Variants in WWP2 observed in about 807,000 individuals in gnomAD.
WWP2 encodes the protein NEDD4-like E3 ubiquitin-protein ligase WWP2.
In WWP2, 57 loss-of-function variants were observed where a neutral mutation model predicts 121.0. The ratio of observed to expected loss-of-function variants is 0.47; its 90% confidence interval spans 0.38 to 0.59. The LOEUF (loss-of-function observed/expected upper bound fraction) is 0.59. WWP2 is among the 20% of genes least tolerant of loss of function. The probability of loss-of-function intolerance (pLI) is 0.00; values close to 1 mark genes in which losing one functional copy is unlikely to be tolerated. For missense variants in WWP2, 962 were observed against 1,158.9 expected (o/e 0.83, Z 2.47); for synonymous variants, 449 against 441.3 (o/e 1.02, Z -0.22).
chr16:69,856,763 G>T (rs1005049225), intron 6 of WWP2, among the ~76,000 whole-genome samples: 1 of 151,460 alleles, frequency 6.6e-6, no homozygotes, highest in African/African-American at 2.4e-5. Flanking sequence ...GACAGAGGGA[G>T]ACTCTATCTC....
chr16:69,804,729 A>G (rs1271801810), intron 4 of WWP2, among the ~76,000 whole-genome samples: 1 of 152,106 alleles, frequency 6.6e-6, no homozygotes, highest in African/African-American at 2.4e-5. Flanking sequence ...GCCCCCTAAA[A>G]AATCTCTTGA....
At chr16:69,805,672 A>G (rs932767005) in intron 4 of WWP2, among the ~76,000 whole-genome samples, 2 of 151,664 alleles carry the variant, frequency 1.3e-5, no homozygotes, top group African/African-American at 2.4e-5. Flanking sequence ...GTGCAGTGGC[A>G]TGATTACCAC....
chr16:69,798,840 G>A lies in WWP2; in HGVS notation c.218+11G>A. The A allele has an allele frequency of 6.2e-7, 1 of 1,613,304 alleles. No individual in the cohort carries two copies. Among genetic ancestry groups the A allele is most frequent in the Non-Finnish European group, 8.5e-7 (1 of 1,179,632 alleles). ...TGAGATCATCATTTTGTAAGAGAAA[G>A]CCCCTTCTTTTTGAACGCAGCAAGA... is the stretch of plus-strand genomic sequence containing the variant. On this transcript the variant is annotated intron_variant, in intron 3 of 23. Transcript: ENST00000359154.
chr16:69,774,230 T>A (rs562199981), intron 1 of WWP2, among the ~76,000 whole-genome samples: 1 of 152,292 alleles, frequency 6.6e-6, no homozygotes, highest in African/African-American at 2.4e-5. Context: ...CTTTCCTTCC[T>A]TGTATTCCCC....
At chr16:69,919,253 C>G (rs754729331) in intron 10 of WWP2, among the ~76,000 whole-genome samples, 1 of 14,086 alleles carries the variant, frequency 7.1e-5, no homozygotes, top group African/African-American at 1.2e-3. Flanking sequence ...GTAACCTCCA[C>G]TGCCCGGGTT....
chr16:69,842,209 G>T (rs2056992167), intron 6 of WWP2, 89 bp downstream of exon 6: 2 of 1,274,418 alleles, frequency 1.6e-6, no homozygotes, highest in Non-Finnish European at 1.1e-6. Flanking sequence ...ACATTTTATG[G>T]TAGAAACTGT....
chr16:69,866,238 C>G (rs911162826), intron 6 of WWP2, among the ~76,000 whole-genome samples: 1 of 151,592 alleles, frequency 6.6e-6, no homozygotes, highest in Non-Finnish European at 1.5e-5. Context: ...TTTGATGAAG[C>G]CACAAAATGC....
chr16:69,853,839 CAA>C (rs1282511795), intron 6 of WWP2, among the ~76,000 whole-genome samples: 1 of 152,152 alleles, frequency 6.6e-6, no homozygotes, highest in African/African-American at 2.4e-5. Flanking sequence ...TTCATGGAGA[CAA>C]GAGACGCAAG....
intron 4 of WWP2, among the ~76,000 whole-genome samples, chr16:69,806,589 A>G (rs914965684): frequency 6.6e-6 from 1 of 151,818 alleles, no homozygotes; most frequent in East Asian, 1.9e-4. Flanking sequence ...TTTCCCCCCC[A>G]TAATTACTGG....
chr16:69,886,707 C>T (rs2057931823), intron 7 of WWP2, among the ~76,000 whole-genome samples: 1 of 152,152 alleles, frequency 6.6e-6, no homozygotes, highest in Non-Finnish European at 1.5e-5. Flanking sequence ...TTGCATTGAG[C>T]CAAGATGGCG....
intron 4 of WWP2, among the ~76,000 whole-genome samples, chr16:69,812,311 A>G (rs1274103077): frequency 6.6e-6 from 1 of 150,616 alleles, no homozygotes; most frequent in East Asian, 1.9e-4. Context: ...GATTACAGGC[A>G]CCCACCATCA....
chr16:69,873,480 T>G (rs1448854314), intron 7 of WWP2, among the ~76,000 whole-genome samples: 1 of 152,176 alleles, frequency 6.6e-6, no homozygotes, highest in Admixed American at 6.5e-5. Context: ...GAGCTGCAGG[T>G]GGGGAGTCCC....
intron 8 of WWP2, among the ~76,000 whole-genome samples, chr16:69,908,239 T>C (rs1005887968): frequency 2.3e-4 from 35 of 152,158 alleles, no homozygotes; most frequent in African/African-American, 7.7e-4. Context: ...AGTGAGACCC[T>C]GTTTCATTAA....
At chr16:69,877,894 G>A (rs1317131981) in intron 7 of WWP2, among the ~76,000 whole-genome samples, 2 of 151,984 alleles carry the variant, frequency 1.3e-5, no homozygotes, top group South Asian at 2.1e-4. Context: ...TGCAACCTCC[G>A]CCTCCCAGGT....
chr16:69,909,502 C>G, intron 9 of WWP2: 1 of 985,458 alleles, frequency 1.0e-6, no homozygotes, highest in African/African-American at 1.7e-5. Context: ...CCACACACAT[C>G]CCACCTCATC....
At chr16:69,833,294 C>T (rs1283814286) in intron 4 of WWP2, among the ~76,000 whole-genome samples, 4 of 152,342 alleles carry the variant, frequency 2.6e-5, no homozygotes, top group African/African-American at 9.6e-5. Flanking sequence ...ACAGCGTGTC[C>T]TTTACAGTTT....
intron 8 of WWP2, among the ~76,000 whole-genome samples, chr16:69,896,244 C>T (rs1240173227): frequency 1.3e-5 from 2 of 152,164 alleles, no homozygotes; most frequent in African/African-American, 4.8e-5. Context: ...GCCTCAGCCT[C>T]CCAAGTAGCT....
Position 69,937,069 on chromosome 16 carries a change from C to T in WWP2, c.2118-49C>T, listed in dbSNP as rs1200915130. ...CCACGCGGCCTGGCCGGGAGCCACCCCTGAGCAGTGGGTCTCAGACTCCAC... is the reference window on the plus strand; with the variant it reads ...CCACGCGGCCTGGCCGGGAGCCACCTCTGAGCAGTGGGTCTCAGACTCCAC... On this transcript the variant is annotated intron_variant, in intron 19 of 23. Coordinates refer to ENST00000359154, the MANE Select transcript of WWP2 (RefSeq NM_001270454.2). The surrounding 1 kb of genome is among the most constrained non-coding windows in gnomAD (Gnocchi z 6.6). The T allele has an allele frequency of 1.2e-6, 2 of 1,601,754 alleles. No individual in the cohort carries two copies. The highest frequency in any genetic ancestry group is 2.7e-5 in the African/African-American group (2 of 74,650).
chr16:69,911,853 G>A (rs908578969), intron 9 of WWP2, among the ~76,000 whole-genome samples: 3 of 152,284 alleles, frequency 2.0e-5, no homozygotes, highest in African/African-American at 7.2e-5. Flanking sequence ...TCAAAGTTTA[G>A]TTTCTGATAG....
Sources: gnomAD v4.1 joint callset for allele counts (sites outside exome capture counted in the v4.1 genomes callset) on GRCh38, gnomAD v4.1.1 for gene constraint, Gnocchi (gnomAD v3.1) non-coding constraint, MANE v1.5 for transcripts, NCBI Gene and HGNC (gene_info 2026-07-23, HGNC 2026-07-21) for gene names.